GPM6A: variants seen among roughly 807,000 people sequenced by gnomAD.
The protein encoded by GPM6A is glycoprotein M6A.
In GPM6A, 7 loss-of-function variants were observed where a neutral mutation model predicts 32.1. The ratio of observed to expected loss-of-function variants is 0.22; its 90% CI spans 0.12 to 0.41. GPM6A has a LOEUF of 0.41. Ranked by LOEUF, GPM6A falls within the 10% of genes least tolerant of loss-of-function variation. The pLI is 1.00. For synonymous variants in GPM6A, 130 were observed against 123.4 expected (o/e 1.05, Z -0.35); for missense variants, 235 against 347.2 (o/e 0.68, Z 2.57).
intron 1 of GPM6A, among the ~76,000 whole-genome samples, chr4:175,702,926 T>C (rs1744960121): frequency 6.6e-6 from 1 of 152,148 alleles, no homozygotes; most frequent in South Asian, 2.1e-4. Context: ...CTATCATTCA[T>C]GGTTTGAAAA....
At chr4:175,827,176 A>G (rs1255965866) in intron 1 of GPM6A, among the ~76,000 whole-genome samples, 3 of 152,364 alleles carry the variant, frequency 2.0e-5, no homozygotes, top group East Asian at 3.9e-4. Flanking sequence ...ATAAAATGCT[A>G]TACAAAAATG....
intron 1 of GPM6A, among the ~76,000 whole-genome samples, chr4:175,749,841 G>C (rs905652727): frequency 1.2e-4 from 19 of 152,074 alleles, no homozygotes; most frequent in African/African-American, 4.6e-4. Flanking sequence ...ACAACTGATA[G>C]GCCAGCATGA....
intron 1 of GPM6A, among the ~76,000 whole-genome samples, chr4:175,912,107 C>A (rs113887511): frequency 4.6e-5 from 7 of 152,188 alleles, no homozygotes; most frequent in South Asian, 2.1e-4. Flanking sequence ...GAAATGCTCC[C>A]AGCCAGGAGT....
intron 1 of GPM6A, among the ~76,000 whole-genome samples, chr4:175,707,101 T>C (rs1198995898): frequency 6.6e-6 from 1 of 152,198 alleles, no homozygotes; most frequent in Non-Finnish European, 1.5e-5. Flanking sequence ...TTGTTTAGCA[T>C]ATAATCAAGA....
chr4:175,980,733 T>C (rs1403122552), intron 1 of GPM6A, among the ~76,000 whole-genome samples: 5 of 152,202 alleles, frequency 3.3e-5, no homozygotes, highest in South Asian at 2.1e-4. Context: ...ATAATAGTGA[T>C]GTGACGACTG....
At chr4:175,926,149 G>A (rs1341705601) in intron 1 of GPM6A, among the ~76,000 whole-genome samples, 3 of 152,058 alleles carry the variant, frequency 2.0e-5, no homozygotes, top group African/African-American at 7.2e-5. Context: ...ACCGTGCCTG[G>A]CCACAAATTC....
At chr4:175,909,982 G>A (rs1480308393) in intron 1 of GPM6A, among the ~76,000 whole-genome samples, 1 of 152,150 alleles carries the variant, frequency 6.6e-6, no homozygotes, top group Non-Finnish European at 1.5e-5. Context: ...CAGTTTCAGA[G>A]TAGTCCCTGG....
rs530741634 is a variant in GPM6A, at chr4:175,656,708, C to G, written c.388-4721G>C. On this transcript the variant is annotated intron_variant, in intron 3 of 6. Transcript: ENST00000393658. Reference sequence around the variant, plus strand: ...GGTTTTTCATCTGAACTCCTATGAACTTAGACTTAATGTCTAAGAAAATCA... The same window carrying G: ...GGTTTTTCATCTGAACTCCTATGAAGTTAGACTTAATGTCTAAGAAAATCA... Among the ~76,000 whole-genome samples the G allele has an allele frequency of 1.5e-4, 23 of 152,230 alleles. No homozygotes were observed. The South Asian group carries it at 3.1e-3, about 21-fold the overall frequency.
chr4:175,888,904 G>A (rs1737545663), intron 1 of GPM6A, among the ~76,000 whole-genome samples: 1 of 152,002 alleles, frequency 6.6e-6, no homozygotes, highest in Non-Finnish European at 1.5e-5. Context: ...AGAAACAGAA[G>A]GAAAAAGTAC....
intron 1 of GPM6A, among the ~76,000 whole-genome samples, chr4:175,902,173 A>G (rs1011490156): frequency 6.6e-6 from 1 of 152,176 alleles, no homozygotes; most frequent in Non-Finnish European, 1.5e-5. Flanking sequence ...AAAAAGAACA[A>G]ATTACTGATA....
At chr4:175,780,320 T>C (rs1173610587) in intron 1 of GPM6A, among the ~76,000 whole-genome samples, 2 of 152,124 alleles carry the variant, frequency 1.3e-5, no homozygotes, top group Non-Finnish European at 1.5e-5. Context: ...AGTGCTGGGA[T>C]TACAGGCATG....
At chr4:175,907,316 T>G (rs1738161607) in intron 1 of GPM6A, 1 of 152,144 alleles carries the variant, frequency 6.6e-6, no homozygotes, top group Admixed American at 6.6e-5. Context: ...CAATCCCAAC[T>G]AAATCCACTT....
chr4:175,710,819 T>G (rs1745486285), intron 1 of GPM6A, among the ~76,000 whole-genome samples: 3 of 152,202 alleles, frequency 2.0e-5, no homozygotes, highest in Admixed American at 2.0e-4. Context: ...TTAATTTTGT[T>G]TTCCTGTCTC....
In GPM6A at chr4:175,711,877, G is replaced by C. The variant is rs368627304; in HGVS notation, c.38-10110C>G. Among the ~76,000 whole-genome samples the C allele has an allele frequency of 2.5e-3, 380 of 152,090 alleles. 5 individuals carry two copies. Among genetic ancestry groups the C allele is most frequent in the African/African-American group, 8.8e-3 (366 of 41,496 alleles). On this transcript the variant is annotated intron_variant, in intron 1 of 6. Transcript: ENST00000393658. ...AATTCCACTCATCACCCTTATATGT[G>C]TCTGCAAGCCTAATCTTTCCTGGTC...
intron 1 of GPM6A, among the ~76,000 whole-genome samples, chr4:175,730,639 T>A (rs868511738): frequency 1.3e-5 from 2 of 151,470 alleles, no homozygotes; most frequent in Middle Eastern, 6.8e-3. Flanking sequence ...CGCGGCTAAT[T>A]TTTTTTATAT....
At chr4:175,903,289 A>T (rs1035964083) in intron 1 of GPM6A, among the ~76,000 whole-genome samples, 1 of 152,190 alleles carries the variant, frequency 6.6e-6, no homozygotes, top group African/African-American at 2.4e-5. Flanking sequence ...TTCATTGAAA[A>T]AAAAAGAATC....
At chr4:175,736,594 T>C (rs1176803246) in intron 1 of GPM6A, among the ~76,000 whole-genome samples, 1 of 152,114 alleles carries the variant, frequency 6.6e-6, no homozygotes, top group Non-Finnish European at 1.5e-5. Flanking sequence ...ATAAATAATA[T>C]CTCAAAATAG....
Position 175,640,749 on chromosome 4 carries a change from T to G in GPM6A, c.618+4A>C. ...ACAAAATTAAAGGCTGTAAAAACAC[T>G]CACCTCAGTAGATTCGCACATCCTC... On this transcript the variant is annotated splice_donor_region_variant and intron_variant, in intron 5 of 6. Coordinates refer to ENST00000393658, the MANE Select transcript of GPM6A (RefSeq NM_201591.3). The G allele has an allele frequency of 6.3e-7, 1 of 1,588,430 alleles. No homozygotes were observed. Among genetic ancestry groups the G allele is most frequent in the Non-Finnish European group, 8.6e-7 (1 of 1,157,906 alleles).
At chr4:175,907,028 A>G (rs1248874910) in intron 1 of GPM6A, 2 of 152,098 alleles carry the variant, frequency 1.3e-5, no homozygotes, top group African/African-American at 2.4e-5. Flanking sequence ...CTTAAAACTC[A>G]TAAGTACAAC....
Sources: gnomAD v4.1 joint callset for allele counts (sites outside exome capture counted in the v4.1 genomes callset) on GRCh38, gnomAD v4.1.1 for gene constraint, MANE v1.5 for transcripts, NCBI Gene and HGNC (gene_info 2026-07-23, HGNC 2026-07-21) for gene names.